PLCXD2: variants seen among roughly 807,000 people sequenced by gnomAD.
The protein encoded by PLCXD2 is phosphatidylinositol specific phospholipase C X domain containing 2.
A neutral mutation model predicts 28.6 loss-of-function variants in PLCXD2; 21 were observed. The observed-to-expected ratio is 0.73, with a 90% CI of 0.52 to 1.06. The LOEUF is 1.06. Among genes scored for constraint, PLCXD2 ranks in the 50% least tolerant of loss-of-function variants. PLCXD2 has a pLI of 0.00. For synonymous variants in PLCXD2, 140 were observed against 150.1 expected (o/e 0.93, Z 0.49); for missense variants, 369 against 376.7 (o/e 0.98, Z 0.17).
chr3:111,685,922 C>A (rs561328555), intron 1 of PLCXD2, among the ~76,000 whole-genome samples: 11 of 152,284 alleles, frequency 7.2e-5, no homozygotes, highest in South Asian at 2.1e-4. Context: ...TGCTCCCCCC[C>A]ACAACATGGG....
chr3:111,715,888 A>G (rs1343293149), intron 3 of PLCXD2, among the ~76,000 whole-genome samples: 1 of 152,204 alleles, frequency 6.6e-6, no homozygotes, highest in African/African-American at 2.4e-5. Context: ...ATCTGGTAAT[A>G]TCTCACAGGT....
chr3:111,718,590 G>A (rs1283964916), intron 3 of PLCXD2, among the ~76,000 whole-genome samples: 7 of 152,170 alleles, frequency 4.6e-5, no homozygotes, highest in Non-Finnish European at 1.0e-4. Flanking sequence ...TCCACTGAGA[G>A]AGGGAGGAGA....
intron 1 of PLCXD2, among the ~76,000 whole-genome samples, chr3:111,699,258 T>C (rs191711381): frequency 1.3e-5 from 2 of 152,344 alleles, no homozygotes; most frequent in East Asian, 3.9e-4. Flanking sequence ...GTGGTCATCA[T>C]GTAATCTGAA....
chr3:111,681,788 G>A (rs902528224), intron 1 of PLCXD2, among the ~76,000 whole-genome samples: 2 of 152,178 alleles, frequency 1.3e-5, no homozygotes, highest in Non-Finnish European at 2.9e-5. Flanking sequence ...TGAAGCTGAG[G>A]AGTTGGTTTC....
rs1458386425 is a variant in PLCXD2, at chr3:111,695,651, A to G, written c.164-12275A>G. Among the ~76,000 whole-genome samples the G allele has an allele frequency of 3.3e-5, 5 of 152,358 alleles. 1 individual carries two copies. In the South Asian group the frequency reaches 1.0e-3, roughly 32 times the overall value. ...GAAAACATTACTGGTTCTGCTGTTT[A>G]CATTAGGGAAAGATTATCTGTTGAT... On this transcript the variant is annotated intron_variant, in intron 1 of 4. Transcript: ENST00000477665.
chr3:111,677,510 C>T (rs1940642531), intron 1 of PLCXD2: 1 of 152,202 alleles, frequency 6.6e-6, no homozygotes, highest in African/African-American at 2.4e-5. Context: ...CTGAGCACTA[C>T]CACGCAGGAC....
chr3:111,684,293 G>A (rs970089595), intron 1 of PLCXD2, among the ~76,000 whole-genome samples: 1 of 148,126 alleles, frequency 6.8e-6, no homozygotes, highest in African/African-American at 2.5e-5. Context: ...TTGCGCCATT[G>A]CACTCCAGAC....
At chr3:111,675,477 G>C in intron 1 of PLCXD2, 69 bp downstream of exon 1, 3 of 1,573,992 alleles carry the variant, frequency 1.9e-6, no homozygotes, top group South Asian at 1.1e-5. Context: ...AAGGGGTTGG[G>C]TTGCTTTTCT....
At chr3:111,695,238 A>G (rs544025922) in intron 1 of PLCXD2, among the ~76,000 whole-genome samples, 24 of 151,522 alleles carry the variant, frequency 1.6e-4, no homozygotes, top group African/African-American at 5.6e-4. Flanking sequence ...CTGGCTCTCC[A>G]TAAATCAAAT....
In PLCXD2 at chr3:111,720,763, C is replaced by G. The variant is rs564645667; in HGVS notation, c.866+6635C>G. On this transcript the variant is annotated intron_variant, in intron 3 of 4. Transcript: ENST00000477665. ...CCTGGACTGGGTGAAAACTCAGAAG[C>G]CTGGAGCCATGGGTGTCAACATCAT... 1.4e-5 allele frequency: 6 copies of G among 416,872 alleles called. No homozygotes were observed. The Admixed American group carries it at 2.6e-4, about 18-fold the overall frequency. The allele number at this position is 416,872 out of a possible 1,614,324, so 25.8% of individuals were successfully genotyped here.
At chr3:111,708,564 G>A (rs1047398381) in intron 2 of PLCXD2, among the ~76,000 whole-genome samples, 178 bp downstream of exon 2, 6 of 152,164 alleles carry the variant, frequency 3.9e-5, no homozygotes, top group Non-Finnish European at 7.4e-5. Flanking sequence ...AAGGGCCAGG[G>A]CTAACACCTG....
At chr3:111,724,822 C>G (rs770053034) in intron 3 of PLCXD2, 1 of 152,170 alleles carries the variant, frequency 6.6e-6, no homozygotes, top group Admixed American at 6.5e-5. Flanking sequence ...CATGAGACTC[C>G]GCTCCGTTAG....
At position 111,719,792 on chromosome 3, in the gene PLCXD2, A is replaced by G. The variant is rs373928021; in HGVS notation, c.866+5664A>G. 1.0e-3 allele frequency among the ~76,000 whole-genome samples: 157 copies of G among 152,358 alleles called. 4 individuals carry two copies. In the South Asian group the frequency reaches 0.013, roughly 13 times the overall value. ...GCTTGCAGGAACTTTCTGGAGTACCAGTTATGTTCTAGACCTTGATATGAG... is the reference window on the plus strand; with the variant it reads ...GCTTGCAGGAACTTTCTGGAGTACCGGTTATGTTCTAGACCTTGATATGAG... On this transcript the variant is annotated intron_variant, in intron 3 of 4. Transcript: ENST00000477665.
At chr3:111,698,409 T>A (rs1940993695) in intron 1 of PLCXD2, among the ~76,000 whole-genome samples, 1 of 152,238 alleles carries the variant, frequency 6.6e-6, no homozygotes, top group Non-Finnish European at 1.5e-5. Context: ...GGACACTCCA[T>A]TTAGCTTATT....
intron 3 of PLCXD2, among the ~76,000 whole-genome samples, chr3:111,718,153 G>A (rs1386117480): frequency 6.6e-6 from 1 of 152,142 alleles, no homozygotes; most frequent in East Asian, 1.9e-4. Context: ...GATCTTTTAA[G>A]TCATAATCAG....
At chr3:111,683,809 T>A (rs2107841008) in intron 1 of PLCXD2, among the ~76,000 whole-genome samples, 1 of 152,236 alleles carries the variant, frequency 6.6e-6, no homozygotes, top group South Asian at 2.1e-4. Context: ...TAGGGAGGCC[T>A]CCTGGAGGAA....
chr3:111,723,756 A>T (rs761649453), intron 3 of PLCXD2: 4 of 152,222 alleles, frequency 2.6e-5, no homozygotes, highest in African/African-American at 7.2e-5. Context: ...GAGGGAAAAC[A>T]GATTTTAGGT....
intron 2 of PLCXD2, among the ~76,000 whole-genome samples, chr3:111,712,067 A>G (rs1377040208): frequency 6.6e-6 from 1 of 152,092 alleles, no homozygotes; most frequent in East Asian, 1.9e-4. Flanking sequence ...GGCAGATGCA[A>G]AACACAGGCC....
At chr3:111,712,325 C>G (rs999493917) in intron 2 of PLCXD2, among the ~76,000 whole-genome samples, 1 of 152,196 alleles carries the variant, frequency 6.6e-6, no homozygotes, top group African/African-American at 2.4e-5. Flanking sequence ...CAAGATGTGT[C>G]TGACAGGTCC....
Sources: allele counts gnomAD v4.1 joint callset (sites outside exome capture counted in the v4.1 genomes callset), GRCh38; gene constraint gnomAD v4.1.1; transcripts MANE v1.5; gene names NCBI Gene and HGNC (gene_info 2026-07-23, HGNC 2026-07-21).